The following ERBB4 variants were observed in gnomAD, a reference collection of about 807,000 sequenced individuals.
The protein encoded by ERBB4 is erb-b2 receptor tyrosine kinase 4, also known as receptor tyrosine-protein kinase erbB-4.
A neutral mutation model predicts 158.0 loss-of-function variants in ERBB4; 42 were observed. That is an observed-to-expected ratio of 0.27 (90% CI 0.21 to 0.34). ERBB4 has a LOEUF of 0.34. Among genes scored for constraint, ERBB4 ranks in the 10% least tolerant of loss-of-function variants. The probability of loss-of-function intolerance (pLI) is 1.00; values close to 1 mark genes in which losing one functional copy is unlikely to be tolerated. For missense variants in ERBB4, 1,333 were observed against 1,624.1 expected (o/e 0.82, Z 3.08); for synonymous variants, 583 against 558.7 (o/e 1.04, Z -0.61).
intron 1 of ERBB4, among the ~76,000 whole-genome samples, chr2:212,314,744 A>T (rs2087198322): frequency 1.3e-5 from 2 of 151,196 alleles, no homozygotes; most frequent in Admixed American, 6.6e-5. Flanking sequence ...CAACTGCTTA[A>T]TTGTGATCTC....
intron 19 of ERBB4, among the ~76,000 whole-genome samples, chr2:211,571,259 T>C (rs1441716696): frequency 6.6e-6 from 1 of 152,054 alleles, no homozygotes; most frequent in African/African-American, 2.4e-5. Flanking sequence ...TGCAGTCTCT[T>C]ACCTCCTTAC....
chr2:211,603,952 G>A (rs922555448), intron 19 of ERBB4, among the ~76,000 whole-genome samples: 2 of 152,142 alleles, frequency 1.3e-5, no homozygotes, highest in African/African-American at 4.8e-5. Context: ...GTTCAAGTGG[G>A]CATATTTAAT....
At chr2:211,705,154 T>G (rs10221746) in intron 10 of ERBB4, among the ~76,000 whole-genome samples, 164 bp downstream of exon 10, 3 of 151,754 alleles carry the variant, frequency 2.0e-5, no homozygotes, top group Non-Finnish European at 2.9e-5. Flanking sequence ...ACAGGGTTTC[T>G]CCATGTTGGC....
chr2:212,366,445 CT>C (rs1303261663), intron 1 of ERBB4, among the ~76,000 whole-genome samples: 13 of 151,880 alleles, frequency 8.6e-5, no homozygotes, highest in Admixed American at 5.9e-4. Flanking sequence ...CAAATTACAC[CT>C]TTCAGTGTTA....
chr2:212,404,653 T>A (rs1236011867), intron 1 of ERBB4, among the ~76,000 whole-genome samples: 1 of 152,050 alleles, frequency 6.6e-6, no homozygotes, highest in Non-Finnish European at 1.5e-5. Context: ...GGGATTTTTT[T>A]AACTTTTATT....
chr2:212,241,256 C>G (rs555542794), intron 1 of ERBB4, among the ~76,000 whole-genome samples: 2 of 149,868 alleles, frequency 1.3e-5, no homozygotes, highest in South Asian at 4.2e-4. Context: ...GGCCCTGTCT[C>G]AAAAATAAAA....
At chr2:212,249,249 C>T (rs957683060) in intron 1 of ERBB4, among the ~76,000 whole-genome samples, 2 of 151,854 alleles carry the variant, frequency 1.3e-5, no homozygotes, top group Non-Finnish European at 2.9e-5. Flanking sequence ...AAATCTCCCA[C>T]ATATGACTAA....
chr2:212,289,117 T>A (rs1559935311), intron 1 of ERBB4, among the ~76,000 whole-genome samples: 1 of 152,200 alleles, frequency 6.6e-6, no homozygotes, highest in Non-Finnish European at 1.5e-5. Flanking sequence ...CAGCCGTGGC[T>A]ACATAATTCG....
At chr2:211,712,230 A>T (rs1407957457) in intron 8 of ERBB4, 54 bp from the exon 9 acceptor site, 3 of 1,536,606 alleles carry the variant, frequency 2.0e-6, no homozygotes, top group Non-Finnish European at 2.7e-6. Flanking sequence ...TTTGGCCAAT[A>T]AATCATTGCA....
chr2:212,181,260 T>G (rs2081852648), intron 1 of ERBB4, among the ~76,000 whole-genome samples: 1 of 151,694 alleles, frequency 6.6e-6, no homozygotes, highest in Admixed American at 6.6e-5. Flanking sequence ...TTTTCAGATG[T>G]TTAGCTTTAT....
chr2:211,708,289 T>A (rs1190704756), intron 9 of ERBB4, among the ~76,000 whole-genome samples: 1 of 152,128 alleles, frequency 6.6e-6, no homozygotes, highest in Non-Finnish European at 1.5e-5. Flanking sequence ...TTCATTTATA[T>A]GTTTGTCCTG....
At chr2:211,875,143 G>C (rs2078466429) in intron 3 of ERBB4, among the ~76,000 whole-genome samples, 1 of 148,978 alleles carries the variant, frequency 6.7e-6, no homozygotes, top group Admixed American at 6.7e-5. Context: ...TTGGTTGTTG[G>C]TTATTAATAT....
At chr2:212,206,475 A>C (rs2082748808) in intron 1 of ERBB4, among the ~76,000 whole-genome samples, 2 of 152,170 alleles carry the variant, frequency 1.3e-5, no homozygotes, top group African/African-American at 4.8e-5. Flanking sequence ...CTTTTATTTA[A>C]AATCTCATTA....
chr2:211,724,786 A>T (rs1330450535), intron 6 of ERBB4, among the ~76,000 whole-genome samples: 1 of 152,206 alleles, frequency 6.6e-6, no homozygotes, highest in East Asian at 1.9e-4. Context: ...TCACCGCATT[A>T]CTGGAAAGGA....
chr2:212,494,434 T>G (rs1400862173), intron 1 of ERBB4, among the ~76,000 whole-genome samples: 1 of 152,044 alleles, frequency 6.6e-6, no homozygotes. Flanking sequence ...AATAGTTGAA[T>G]ACATTTTTTT....
intron 12 of ERBB4, among the ~76,000 whole-genome samples, chr2:211,701,584 A>G (rs758377081): frequency 6.6e-5 from 10 of 151,912 alleles, no homozygotes; most frequent in Non-Finnish European, 1.3e-4. Flanking sequence ...GCGAAACCCC[A>G]TCTCTACTAA....
chr2:212,134,676 C>CTTT (rs869141215), intron 1 of ERBB4, among the ~76,000 whole-genome samples: 618 of 68,780 alleles, frequency 9.0e-3, no homozygotes, highest in African/African-American at 0.019. Context: ...TAAACACTTT[C>CTTT]TTTTTTTTTT....
At chr2:211,706,699 G>A (rs1291484912) in intron 9 of ERBB4, among the ~76,000 whole-genome samples, 1 of 152,034 alleles carries the variant, frequency 6.6e-6, no homozygotes, top group Non-Finnish European at 1.5e-5. Flanking sequence ...AACATGGAGT[G>A]CTTTATACTA....
rs73988633 is a variant in ERBB4 at position 211,673,735 on chromosome 2, T to A, written c.1623-478A>T. On this transcript the variant is annotated intron_variant, in intron 13 of 27. Coordinates refer to ENST00000342788, the MANE Select transcript of ERBB4 (RefSeq NM_005235.3). ...CCTTCAAATCCCAAGACTCTTCAAT[T>A]TATTTTTGGTGAAATTTCAAAAACT... Among the ~76,000 whole-genome samples the A allele has an allele frequency of 3.0e-3, 457 of 152,182 alleles. 3 individuals carry two copies. Among genetic ancestry groups the A allele is most frequent in the African/African-American group, 0.011 (439 of 41,546 alleles).
Sources: gnomAD v4.1 joint callset for allele counts (sites outside exome capture counted in the v4.1 genomes callset) on GRCh38, gnomAD v4.1.1 for gene constraint, MANE v1.5 for transcripts, NCBI Gene and HGNC (gene_info 2026-07-23, HGNC 2026-07-21) for gene names.